The following GNAO1 variants were observed in gnomAD, a reference collection of about 807,000 sequenced individuals.
GNAO1 encodes the protein G protein subunit alpha o1.
For synonymous variants in GNAO1, 164 were observed against 180.7 expected (o/e 0.91, Z 0.74); for missense variants, 166 against 478.7 (o/e 0.35, Z 6.10).
chr16:56,277,232 G>C (rs888402646), intron 3 of GNAO1, among the ~76,000 whole-genome samples: 7 of 152,218 alleles, frequency 4.6e-5, no homozygotes, highest in African/African-American at 1.7e-4. Flanking sequence ...AGGGGGACCT[G>C]GGCCCATCTG....
At chr16:56,256,706 C>CTGTG (rs2036851218) in intron 2 of GNAO1, among the ~76,000 whole-genome samples, 3 of 118,662 alleles carry the variant, frequency 2.5e-5, no homozygotes, top group African/African-American at 1.0e-4. Context: ...CTCTCTCTCT[C>CTGTG]TCTCTCTCTC....
chr16:56,343,487 C>CAA lies in GNAO1; in HGVS notation c.723+6642_723+6643dup, dbSNP rs5817055. On this transcript the variant is annotated intron_variant, in intron 6 of 8. Coordinates refer to ENST00000262493, the MANE Select transcript of GNAO1 (RefSeq NM_020988.3). ...TGAGCAACAGAGCAAGACCCTATCT[C>CAA]AAAAAAAAAAAAAAAAGATAAATAC... Among the ~76,000 whole-genome samples the CAA allele has an allele frequency of 0.11, 14,381 of 134,176 alleles. 1,226 individuals carry two copies. Among genetic ancestry groups the CAA allele is most frequent in the African/African-American group, 0.22 (7,923 of 35,476 alleles). The allele number at this position is 134,176 out of a possible 152,430, so 88.0% of individuals were successfully genotyped here. A position where few individuals can be genotyped will look rare whatever the true frequency, so the allele number is the denominator to read the frequency against.
chr16:56,225,817 C>A (rs1324475174), intron 2 of GNAO1, among the ~76,000 whole-genome samples: 2 of 151,980 alleles, frequency 1.3e-5, no homozygotes, highest in Non-Finnish European at 2.9e-5. Context: ...TAAATGAGAT[C>A]GTTGCCAGCA....
intron 2 of GNAO1, among the ~76,000 whole-genome samples, chr16:56,257,705 A>G (rs556334634): frequency 3.9e-5 from 6 of 152,368 alleles, no homozygotes; most frequent in South Asian, 4.1e-4. Flanking sequence ...AAAATCTTCC[A>G]TTAGTTTAGC....
chr16:56,318,306 AG>A (rs2037534247), intron 3 of GNAO1, among the ~76,000 whole-genome samples: 3 of 152,220 alleles, frequency 2.0e-5, no homozygotes, highest in Admixed American at 2.0e-4. Context: ...ATTCTTCGCC[AG>A]CTGGAATTGT....
chr16:56,277,083 T>A (rs1377629423), intron 3 of GNAO1: 1 of 152,232 alleles, frequency 6.6e-6, no homozygotes, highest in Non-Finnish European at 1.5e-5. Context: ...AAATGTAAAA[T>A]TTGATATGTA....
intron 2 of GNAO1, among the ~76,000 whole-genome samples, chr16:56,209,097 C>T (rs962405458): frequency 7.9e-5 from 12 of 152,020 alleles, no homozygotes; most frequent in African/African-American, 2.2e-4. Flanking sequence ...CTCTATTTCC[C>T]GCCTCTTTAA....
Position 56,351,285 on chromosome 16 carries a change from C to T in GNAO1, c.724-99C>T, listed in dbSNP as rs1314057572. On this transcript the variant is annotated intron_variant, in intron 6 of 8. Transcript: ENST00000262493. This position sits in a 1 kb window ranked among gnomAD's most constrained non-coding sequence, Gnocchi z 6.1. ...CTCTCGGAGGAGCTGCCGAGTAGCC[C>T]AGTCCCTCTCTGTCAAGCCTAATTC... The T allele has an allele frequency of 3.5e-5, 28 of 804,820 alleles. No homozygotes were observed. The East Asian group carries it at 6.6e-4, about 19-fold the overall frequency. The allele number at this position is 804,820 out of a possible 1,614,324, so 49.9% of individuals were successfully genotyped here.
intron 2 of GNAO1, chr16:56,193,730 G>C (rs2036203964): frequency 4.2e-6 from 1 of 238,200 alleles, no homozygotes; most frequent in African/African-American, 2.3e-5. Flanking sequence ...TGCTTGGGGA[G>C]GGGGTGGCCG....
intron 2 of GNAO1, among the ~76,000 whole-genome samples, chr16:56,261,197 A>G (rs1255500332): frequency 6.6e-6 from 1 of 152,234 alleles, no homozygotes; most frequent in East Asian, 1.9e-4. Context: ...AGAGGACATG[A>G]GAAATCATGA....
At chr16:56,259,958 A>G (rs972843431) in intron 2 of GNAO1, among the ~76,000 whole-genome samples, 1 of 152,218 alleles carries the variant, frequency 6.6e-6, no homozygotes, top group African/African-American at 2.4e-5. Flanking sequence ...AGGGCTGTCC[A>G]TAAAGTGGAG....
chr16:56,231,225 A>C (rs930189305), intron 2 of GNAO1, among the ~76,000 whole-genome samples: 1 of 152,058 alleles, frequency 6.6e-6, no homozygotes, highest in African/African-American at 2.4e-5. Context: ...TTGACTGGCA[A>C]CTCACCTCCC....
rs1719240819 is a variant in GNAO1 at position 56,287,130 on chromosome 16, C to T, written c.303+11058C>T. Among the ~76,000 whole-genome samples, 3 of 152,246 alleles carry T rather than the reference C, an allele frequency of 2.0e-5. No homozygotes were observed. The South Asian group carries it at 6.2e-4, about 32-fold the overall frequency. On this transcript the variant is annotated intron_variant, in intron 3 of 8. Coordinates refer to ENST00000262493, the MANE Select transcript of GNAO1 (RefSeq NM_020988.3). ...CATGGGTGCACAGCCCCCAGCCCAC[C>T]ACTGACCAATGGTCTCGCCTTTCCA...
At chr16:56,263,301 G>T (rs1259041853) in intron 2 of GNAO1, among the ~76,000 whole-genome samples, 1 of 152,152 alleles carries the variant, frequency 6.6e-6, no homozygotes, top group South Asian at 2.1e-4. Flanking sequence ...AGAGCCAGAG[G>T]TCCCAAGCAA....
intron 2 of GNAO1, 176 bp downstream of exon 2, chr16:56,192,792 C>T (rs1272833861): frequency 3.3e-6 from 2 of 605,008 alleles, no homozygotes; most frequent in Non-Finnish European, 6.0e-6. Flanking sequence ...TACGTTGGTT[C>T]TGGGTCCTCC....
intron 2 of GNAO1, among the ~76,000 whole-genome samples, chr16:56,210,803 A>G (rs948360013): frequency 2.6e-5 from 4 of 152,284 alleles, no homozygotes; most frequent in South Asian, 4.1e-4. Context: ...AGTTCTTTCT[A>G]TATTTTGGAT....
intron 6 of GNAO1, among the ~76,000 whole-genome samples, chr16:56,338,705 T>G (rs1329755159): frequency 6.6e-6 from 1 of 152,224 alleles, no homozygotes; most frequent in African/African-American, 2.4e-5. Context: ...GCCATGGGGC[T>G]GGGCTCTCGC....
chr16:56,194,730 T>G (rs1432469977), intron 2 of GNAO1, among the ~76,000 whole-genome samples: 3 of 152,176 alleles, frequency 2.0e-5, no homozygotes, highest in African/African-American at 7.2e-5. Flanking sequence ...AAATTAACTT[T>G]GCATCCGCCA....
At chr16:56,329,954 A>G (rs1458311878) in intron 4 of GNAO1, among the ~76,000 whole-genome samples, 8 of 152,216 alleles carry the variant, frequency 5.3e-5, no homozygotes, top group Admixed American at 2.0e-4. Flanking sequence ...CCAAACATCC[A>G]TAGTGCCAAG....
Sources: gnomAD v4.1 joint callset for allele counts (sites outside exome capture counted in the v4.1 genomes callset) on GRCh38, gnomAD v4.1.1 for gene constraint, Gnocchi (gnomAD v3.1) non-coding constraint, MANE v1.5 for transcripts, NCBI Gene and HGNC (gene_info 2026-07-23, HGNC 2026-07-21) for gene names.